The following SEMA3E variants were observed in gnomAD, a reference collection of about 807,000 sequenced individuals.
SEMA3E encodes semaphorin-3E.
SEMA3E carries 49 observed loss-of-function variants against 93.6 expected under a neutral mutation model. The observed-to-expected ratio is 0.52, with a 90% confidence interval of 0.42 to 0.66. SEMA3E has a LOEUF of 0.66. SEMA3E is among the 30% of genes least tolerant of loss of function. SEMA3E has a pLI of 0.00. For synonymous variants in SEMA3E, 363 were observed against 330.7 expected (o/e 1.10, Z -1.06); for missense variants, 906 against 964.8 (o/e 0.94, Z 0.81).
chr7:83,648,779 G>A lies in SEMA3E; in HGVS notation c.-237C>T, dbSNP rs1164051129. The A allele has an allele frequency of 3.6e-6, 2 of 563,208 alleles. No homozygotes were observed. Among genetic ancestry groups the A allele is most frequent in the Admixed American group, 5.3e-5 (2 of 38,074 alleles). 34.9% of individuals were successfully genotyped at this position (563,208 alleles called of 1,614,324 possible). A position where few individuals can be genotyped will look rare whatever the true frequency, so the allele number is the denominator to read the frequency against. ...AGCAAGAGGACATTCCAAAGAGTGA[G>A]TCTTCAGAGCCATGTCCTGTCTAGA... On this transcript the variant is annotated 5_prime_UTR_variant, in exon 1 of 17. Transcript: ENST00000643230.
At chr7:83,639,614 T>G (rs1304405290) in intron 1 of SEMA3E, among the ~76,000 whole-genome samples, 2 of 151,154 alleles carry the variant, frequency 1.3e-5, no homozygotes, top group African/African-American at 4.9e-5. Flanking sequence ...AATTAGAAAG[T>G]ATTATAAGAT....
chr7:83,397,326 AAG>A (rs1464020150), intron 11 of SEMA3E, among the ~76,000 whole-genome samples: 1 of 152,174 alleles, frequency 6.6e-6, no homozygotes, highest in Non-Finnish European at 1.5e-5. Context: ...AATAAAACAT[AAG>A]AGAGATGCCA....
intron 1 of SEMA3E, among the ~76,000 whole-genome samples, chr7:83,536,253 T>C (rs2115744571): frequency 1.3e-5 from 2 of 152,178 alleles, no homozygotes; most frequent in South Asian, 4.2e-4. Context: ...TGAATCTCCG[T>C]TTAAAGGGTT....
intron 1 of SEMA3E, among the ~76,000 whole-genome samples, chr7:83,551,175 A>C (rs1024987807): frequency 3.3e-5 from 5 of 152,140 alleles, no homozygotes; most frequent in African/African-American, 4.8e-5. Flanking sequence ...CTAAGTATAC[A>C]CACTAAAGAA....
intron 1 of SEMA3E, among the ~76,000 whole-genome samples, chr7:83,645,719 TTCTCTC>T (rs57724559): frequency 0.16 from 22,959 of 146,046 alleles, 5,108 homozygotes; most frequent in African/African-American, 0.51. Flanking sequence ...CCTTGTCTCC[TTCTCTC>T]TCTCTCTCTC....
At chr7:83,629,229 A>G (rs758512715) in intron 1 of SEMA3E, among the ~76,000 whole-genome samples, 1 of 152,112 alleles carries the variant, frequency 6.6e-6, no homozygotes, top group East Asian at 1.9e-4. Context: ...GCTCTCCCGT[A>G]TGAGGTGTCT....
chr7:83,508,982 G>GGTTTAATTACAC (rs1407285658), intron 1 of SEMA3E, among the ~76,000 whole-genome samples: 18 of 152,084 alleles, frequency 1.2e-4, no homozygotes, highest in Non-Finnish European at 2.2e-4. Flanking sequence ...AATCTAATGG[G>GGTTTAATTACAC]CAAGTTTGCA....
chr7:83,614,781 C>G (rs1235972702), intron 1 of SEMA3E, among the ~76,000 whole-genome samples: 1 of 152,004 alleles, frequency 6.6e-6, no homozygotes, highest in African/African-American at 2.4e-5. Flanking sequence ...AGTTTCTGTG[C>G]ACAAATGTCA....
At chr7:83,381,050 T>C (rs1262806582) in intron 16 of SEMA3E, among the ~76,000 whole-genome samples, 1 of 152,016 alleles carries the variant, frequency 6.6e-6, no homozygotes, top group Non-Finnish European at 1.5e-5. Flanking sequence ...TCCTATCACC[T>C]CAATGACTAC....
At chr7:83,574,748 G>A (rs1030044990) in intron 1 of SEMA3E, among the ~76,000 whole-genome samples, 1 of 152,138 alleles carries the variant, frequency 6.6e-6, no homozygotes, top group East Asian at 1.9e-4. Flanking sequence ...GGAGAACTGA[G>A]GTGCTTCAGC....
chr7:83,450,387 G>A (rs562586057), intron 4 of SEMA3E, among the ~76,000 whole-genome samples: 4 of 146,014 alleles, frequency 2.7e-5, no homozygotes, highest in East Asian at 2.2e-4. Flanking sequence ...AAGTGGGAAA[G>A]TAAATTGTGT....
chr7:83,447,027 TTAAC>T (rs151152241), intron 4 of SEMA3E, among the ~76,000 whole-genome samples: 2,128 of 152,284 alleles, frequency 0.014, 48 homozygotes, highest in African/African-American at 0.048. Context: ...TGATGCCCTC[TTAAC>T]TAACTTTGCA....
rs1435516420 is a variant in SEMA3E at position 83,421,294 on chromosome 7, C to T, written c.457-2811G>A. Among the ~76,000 whole-genome samples, 4 of 141,024 alleles carry T rather than the reference C, an allele frequency of 2.8e-5. 1 individual carries two copies. Among genetic ancestry groups the T allele is most frequent in the Non-Finnish European group, 6.4e-5 (4 of 62,224 alleles). The allele number at this position is 141,024 out of a possible 152,430, so 92.5% of individuals were successfully genotyped here. On this transcript the variant is annotated intron_variant, in intron 4 of 16. Coordinates refer to ENST00000643230, the MANE Select transcript of SEMA3E (RefSeq NM_012431.3). Reference sequence around the variant, plus strand: ...TTATCAACAAATGCCATATTATGTACAATATTTCAATTTTAATATAAGGCT... The same window carrying T: ...TTATCAACAAATGCCATATTATGTATAATATTTCAATTTTAATATAAGGCT...
At chr7:83,582,444 A>G (rs1792534493) in intron 1 of SEMA3E, among the ~76,000 whole-genome samples, 1 of 152,076 alleles carries the variant, frequency 6.6e-6, no homozygotes, top group Admixed American at 6.6e-5. Flanking sequence ...AGACTCCTCA[A>G]GACAATAAGA....
intron 1 of SEMA3E, among the ~76,000 whole-genome samples, chr7:83,617,942 C>A (rs1414147262): frequency 2.0e-5 from 3 of 152,028 alleles, no homozygotes; most frequent in Non-Finnish European, 4.4e-5. Context: ...AATACACATT[C>A]ACTGATCATC....
intron 1 of SEMA3E, among the ~76,000 whole-genome samples, chr7:83,639,125 A>C (rs1357950874): frequency 7.3e-6 from 1 of 137,846 alleles, no homozygotes; most frequent in African/African-American, 2.8e-5. Flanking sequence ...AAAAAAAAAA[A>C]AAAAAAAAAA....
intron 1 of SEMA3E, among the ~76,000 whole-genome samples, chr7:83,507,129 A>T (rs756593356): frequency 2.6e-5 from 4 of 152,168 alleles, no homozygotes; most frequent in Non-Finnish European, 5.9e-5. Flanking sequence ...ATCAGAACAG[A>T]TGCTAGTGCC....
chr7:83,387,431 CA>C (rs1445975128), intron 14 of SEMA3E, among the ~76,000 whole-genome samples: 2 of 151,882 alleles, frequency 1.3e-5, no homozygotes, highest in African/African-American at 2.4e-5. Flanking sequence ...TTATTGAGTA[CA>C]AAACAGTTAT....
chr7:83,607,654 G>A (rs1490242276), intron 1 of SEMA3E, among the ~76,000 whole-genome samples: 1 of 152,124 alleles, frequency 6.6e-6, no homozygotes, highest in Non-Finnish European at 1.5e-5. Flanking sequence ...AGGATCAATA[G>A]GAGCTTCCCC....
Sources: gnomAD v4.1 joint callset for allele counts (sites outside exome capture counted in the v4.1 genomes callset) on GRCh38, gnomAD v4.1.1 for gene constraint, MANE v1.5 for transcripts, NCBI Gene and HGNC (gene_info 2026-07-23, HGNC 2026-07-21) for gene names.